The following WWC1 variants were observed in gnomAD, a reference collection of about 807,000 sequenced individuals.
WWC1 encodes protein KIBRA.
A neutral mutation model predicts 138.4 loss-of-function variants in WWC1; 55 were observed. The ratio of observed to expected loss-of-function variants is 0.40; its 90% CI spans 0.32 to 0.50. WWC1 has a LOEUF of 0.50. WWC1 is among the 20% of genes least tolerant of loss of function. The probability of loss-of-function intolerance (pLI) is 0.72; values close to 1 mark genes in which losing one functional copy is unlikely to be tolerated. For missense variants in WWC1, 1,226 were observed against 1,420.4 expected, an observed-to-expected ratio of 0.86 and a Z score of 2.20; for synonymous variants, 524 against 564.9, an observed-to-expected ratio of 0.93 and a Z score of 1.03.
chr5:168,336,592 A>AAAAC (rs1275221239), intron 1 of WWC1, among the ~76,000 whole-genome samples: 1 of 151,162 alleles, frequency 6.6e-6, no homozygotes, highest in Non-Finnish European at 1.5e-5. Context: ...AAAAAAAAAA[A>AAAAC]AAACAATACC....
chr5:168,440,759 C>T (rs144766184), intron 15 of WWC1, among the ~76,000 whole-genome samples: 2,045 of 152,238 alleles, frequency 0.013, 51 homozygotes, highest in African/African-American at 0.047. Context: ...TCAGATGATC[C>T]ACCCACCTCA....
chr5:168,399,894 G>A (rs777039243), intron 5 of WWC1, among the ~76,000 whole-genome samples: 5 of 152,144 alleles, frequency 3.3e-5, no homozygotes, highest in Non-Finnish European at 5.9e-5. Flanking sequence ...CTGTGCACAC[G>A]CCTCATCTCT....
At chr5:168,434,422 C>G (rs1447759023) in intron 15 of WWC1, among the ~76,000 whole-genome samples, 1 of 152,134 alleles carries the variant, frequency 6.6e-6, no homozygotes, top group Non-Finnish European at 1.5e-5. Flanking sequence ...TGTGGAATCC[C>G]CAGTCTGTTT....
Position 168,455,537 on chromosome 5 carries a change from C to T in WWC1, c.2823+17C>T. On this transcript the variant is annotated intron_variant, in intron 19 of 22. Transcript: ENST00000265293. ...GTGTGCCGGGTAAGTGAGCGTGCGG[C>T]CCTCTTCTGCTCCCCTCAGGGTAGC... 1 of 1,610,210 alleles carries T rather than the reference C, an allele frequency of 6.2e-7. No homozygotes were observed. Among genetic ancestry groups the T allele is most frequent in the South Asian group, 1.1e-5 (1 of 90,114 alleles).
chr5:168,342,253 A>G (rs1306834964), intron 1 of WWC1, among the ~76,000 whole-genome samples: 2 of 152,178 alleles, frequency 1.3e-5, no homozygotes, highest in African/African-American at 4.8e-5. Context: ...GAGGGAAAAC[A>G]TAAAGATCAG....
intron 1 of WWC1, among the ~76,000 whole-genome samples, chr5:168,326,011 A>G (rs1772499468): frequency 6.6e-6 from 1 of 152,114 alleles, no homozygotes; most frequent in Non-Finnish European, 1.5e-5. Context: ...AGGGTAAATC[A>G]TATTCCCTTG....
At chr5:168,369,398 T>TGG (rs1776564797) in intron 1 of WWC1, among the ~76,000 whole-genome samples, 1 of 151,842 alleles carries the variant, frequency 6.6e-6, no homozygotes, top group South Asian at 2.1e-4. Flanking sequence ...GTTGTTGTTG[T>TGG]TGGTGGTGGT....
chr5:168,411,971 TAGAAAAAAAC>T, intron 8 of WWC1: 1 of 985,104 alleles, frequency 1.0e-6, no homozygotes. Context: ...ACTGGTCAGG[TAGAAAAAAAC>T]AGATGTCCTA....
intron 13 of WWC1, among the ~76,000 whole-genome samples, chr5:168,429,709 G>A (rs534280701): frequency 6.6e-6 from 1 of 152,178 alleles, no homozygotes; most frequent in African/African-American, 2.4e-5. Context: ...TGAGGCAGAG[G>A]AATCACTTGA....
intron 15 of WWC1, among the ~76,000 whole-genome samples, chr5:168,432,768 G>A (rs1479682959): frequency 1.3e-5 from 2 of 152,256 alleles, no homozygotes; most frequent in African/African-American, 2.4e-5. Flanking sequence ...GAGGAGGGCC[G>A]TGTTGGAAAT....
At chr5:168,468,104 A>G (rs1303804019) in intron 22 of WWC1, 140 bp downstream of exon 22, 1 of 1,397,900 alleles carries the variant, frequency 7.2e-7, no homozygotes, top group Admixed American at 2.2e-5. Flanking sequence ...TCCTCCGCCA[A>G]GCCATCCCTG....
chr5:168,343,028 A>G (rs905536923), intron 1 of WWC1, among the ~76,000 whole-genome samples: 2 of 151,996 alleles, frequency 1.3e-5, no homozygotes, highest in African/African-American at 4.8e-5. Context: ...AGAAGCTTGG[A>G]GTTCTTGTTT....
At chr5:168,351,393 G>A (rs1157596478) in intron 1 of WWC1, among the ~76,000 whole-genome samples, 2 of 152,184 alleles carry the variant, frequency 1.3e-5, no homozygotes, top group Non-Finnish European at 2.9e-5. Flanking sequence ...AAGTCATCCT[G>A]TGTGCCACCA....
intron 2 of WWC1, among the ~76,000 whole-genome samples, chr5:168,378,277 G>T (rs1002121768): frequency 1.3e-5 from 2 of 152,060 alleles, no homozygotes; most frequent in Admixed American, 6.6e-5. Flanking sequence ...GGCACTAGGG[G>T]CTACTAGAGA....
intron 1 of WWC1, among the ~76,000 whole-genome samples, chr5:168,357,952 C>T (rs1308531975): frequency 1.3e-5 from 2 of 152,194 alleles, no homozygotes; most frequent in East Asian, 1.9e-4. Flanking sequence ...AAATAGCAGT[C>T]GAGTTGCAGA....
chr5:168,418,810 A>T (rs1780862057), intron 9 of WWC1, among the ~76,000 whole-genome samples: 1 of 152,054 alleles, frequency 6.6e-6, no homozygotes, highest in Non-Finnish European at 1.5e-5. Flanking sequence ...CTTTCCTTTT[A>T]TACTGGGTCA....
intron 1 of WWC1, among the ~76,000 whole-genome samples, chr5:168,304,873 T>C (rs527766663): frequency 6.6e-6 from 1 of 152,050 alleles, no homozygotes; most frequent in African/African-American, 2.4e-5. Flanking sequence ...TCACCCAGGT[T>C]GGAGTGCAAT....
chr5:168,393,421 A>G (rs1440475037), intron 3 of WWC1, among the ~76,000 whole-genome samples: 2 of 152,226 alleles, frequency 1.3e-5, no homozygotes, highest in Non-Finnish European at 2.9e-5. Context: ...ATAGCTCCAG[A>G]CTTCTCACCA....
In WWC1 at chr5:168,464,904, C is replaced by T. The variant is rs1481818407; in HGVS notation, c.3092C>T (p.Pro1031Leu). Residue 1031 changes from proline (P) to leucine (L), a missense_variant, in exon 21 of 23, where the codon CCA becomes CTA. This residue lies in a region of WWC1 where 206 missense variants were observed against 247.4 expected (regional missense o/e 0.83). Coordinates refer to ENST00000265293, the MANE Select transcript of WWC1 (RefSeq NM_015238.3). ...AAGAGCCACGGGGAGAAGGAGCTGC[C>T]ACAGTGGTTGCGTGAGGACGAGCGT... is the stretch of plus-strand genomic sequence containing the variant. ...QAKSHGEKEL[P>L]QWLREDERFR... 1.2e-6 allele frequency: 2 copies of T among 1,614,210 alleles called. No individual in the cohort carries two copies. Among genetic ancestry groups the T allele is most frequent in the Admixed American group, 1.7e-5 (1 of 60,034 alleles).
Sources: allele counts gnomAD v4.1 joint callset (sites outside exome capture counted in the v4.1 genomes callset), GRCh38; gene constraint gnomAD v4.1.1; regional missense constraint gnomAD v4.1.1; transcripts MANE v1.5; gene names NCBI Gene and HGNC (gene_info 2026-07-23, HGNC 2026-07-21).